The following PRAC2 variants were observed in gnomAD, a reference collection of about 807,000 sequenced individuals.
The protein encoded by PRAC2 is protein PRAC2.
For missense variants in PRAC2, 92 were observed against 114.5 expected, an observed-to-expected ratio of 0.80 and a Z score of 0.90; for synonymous variants, 43 against 49.5, an observed-to-expected ratio of 0.87 and a Z score of 0.55.
upstream of PRAC2, chr17:48,722,599 C>T (rs2038157842): frequency 7.1e-6 from 4 of 565,354 alleles, no homozygotes; most frequent in Non-Finnish European, 9.5e-6. Context: ...TTGGTGGCTC[C>T]CCACCTCATA....
chr17:48,722,487 CTGTT>C, upstream of PRAC2: 1 of 1,027,844 alleles, frequency 9.7e-7, no homozygotes, highest in South Asian at 1.3e-5. Context: ...CAGTGGCGCT[CTGTT>C]TGCACGCCTT....
At chr17:48,724,224 A>C in intron 1 of PRAC2, 104 bp from the exon 2 acceptor site, 1 of 499,344 alleles carries the variant, frequency 2.0e-6, no homozygotes, top group Admixed American at 4.4e-5. Flanking sequence ...AATAAGTGAG[A>C]GATTTCAATG....
rs1348869166 is a variant in PRAC2 at position 48,724,447 on chromosome 17, C to G, written c.37C>G (p.Arg13Gly). 35 of 1,234,192 alleles carry G rather than the reference C, an allele frequency of 2.8e-5. No individual in the cohort carries two copies. Among genetic ancestry groups the G allele is most frequent in the Non-Finnish European group, 3.3e-5 (33 of 988,152 alleles). 76.5% of individuals were successfully genotyped at this position (1,234,192 alleles called of 1,614,324 possible). A position where few individuals can be genotyped will look rare whatever the true frequency, so the allele number is the denominator to read the frequency against. The change falls in exon 2 of 2, where the codon CGC (arginine) becomes GGC (glycine). Residue 13 changes from arginine (R) to glycine (G), a missense_variant. Coordinates refer to ENST00000422730, the MANE Select transcript of PRAC2 (RefSeq NM_001282275.2). Reference protein sequence around the residue: ...RRRMALRPGSRRPTAFFFHSR... With the variant: ...RRRMALRPGSGRPTAFFFHSR... ...GCGGATGGCTCTGCGGCCTGGCTCC[C>G]GCAGACCGACCGCCTTCTTCTTCCA... is the stretch of plus-strand genomic sequence containing the variant.
upstream of PRAC2, among the ~76,000 whole-genome samples, chr17:48,719,528 G>A (rs1406923495): frequency 1.3e-5 from 2 of 152,228 alleles, no homozygotes; most frequent in African/African-American, 4.8e-5. Context: ...AGGGAGGGGC[G>A]CTTGTAAAAC....
chr17:48,720,690 A>G (rs990907875), upstream of PRAC2, among the ~76,000 whole-genome samples: 6 of 152,088 alleles, frequency 3.9e-5, no homozygotes, highest in Non-Finnish European at 8.8e-5. Flanking sequence ...TACTCAATTA[A>G]TGAGTAGTTG....
chr17:48,723,823 A>C (rs1327897908), intron 1 of PRAC2: 1 of 1,179,742 alleles, frequency 8.5e-7, no homozygotes, highest in African/African-American at 1.6e-5. Flanking sequence ...CTGGAGGCCT[A>C]ATAAAATCCA....
chr17:48,722,957 T>C (rs139116313), upstream of PRAC2, among the ~76,000 whole-genome samples: 9 of 152,288 alleles, frequency 5.9e-5, no homozygotes, highest in African/African-American at 2.2e-4. Flanking sequence ...CGGGGGCAGT[T>C]TAGGGGAGGA....
At position 48,724,661 on chromosome 17, in the gene PRAC2, C is replaced by T. The variant is rs1010439597; in HGVS notation, c.251C>T (p.Pro84Leu). 13 of 1,232,064 alleles carry T rather than the reference C, an allele frequency of 1.1e-5. No individual in the cohort carries two copies. The Admixed American group carries it at 2.5e-4, about 24-fold the overall frequency. 76.3% of individuals were successfully genotyped at this position (1,232,064 alleles called of 1,614,324 possible). A position where few individuals can be genotyped will look rare whatever the true frequency, so the allele number is the denominator to read the frequency against. ...GCTCCGCGGACGATGAAAGCCTGCC[C>T]GCAGGTTCTCCTGGAGTGGTGAGCC... is the stretch of plus-strand genomic sequence containing the variant. ...PVAPRTMKAC[P>L]QVLLEW The change falls in exon 2 of 2, where the codon CCG becomes CTG. Residue 84 changes from proline to leucine, a missense_variant. Coordinates refer to ENST00000422730, the MANE Select transcript of PRAC2 (RefSeq NM_001282275.2).
chr17:48,724,692 C>A lies in PRAC2; in HGVS notation c.*9C>A, dbSNP rs2143056572. ...TTCTCCTGGAGTGGTGAGCCTCTGTCGGAAGGGGGCGCCCACGTCTTTTTA... is the reference window on the plus strand; with the variant it reads ...TTCTCCTGGAGTGGTGAGCCTCTGTAGGAAGGGGGCGCCCACGTCTTTTTA... On this transcript the variant is annotated 3_prime_UTR_variant, in exon 2 of 2. Coordinates refer to ENST00000422730, the MANE Select transcript of PRAC2 (RefSeq NM_001282275.2). 4 of 1,225,100 alleles carry A rather than the reference C, an allele frequency of 3.3e-6. No individual in the cohort carries two copies. The highest frequency in any genetic ancestry group is 1.6e-5 in the African/African-American group (1 of 64,346). The allele number at this position is 1,225,100 out of a possible 1,614,324, so 75.9% of individuals were successfully genotyped here. A position where few individuals can be genotyped will look rare whatever the true frequency, so the allele number is the denominator to read the frequency against.
At chr17:48,721,780 G>T (rs1464162657), upstream of PRAC2, 6 of 1,513,724 alleles carry the variant, frequency 4.0e-6, no homozygotes, top group South Asian at 1.3e-5. Context: ...CATTGCCCAG[G>T]CTGGTCTGGA....
At chr17:48,723,664 G>C in intron 1 of PRAC2, 2 of 1,226,698 alleles carry the variant, frequency 1.6e-6, no homozygotes, top group Non-Finnish European at 2.0e-6. Context: ...GGCCTCGCAG[G>C]GTTCCCGGAA....
chr17:48,722,043 A>T, upstream of PRAC2: 1 of 963,412 alleles, frequency 1.0e-6, no homozygotes, highest in South Asian at 1.9e-5. Context: ...TCCCACTCCC[A>T]AGCCTCTCCC....
At chr17:48,721,736 A>G, upstream of PRAC2, 1 of 1,359,272 alleles carries the variant, frequency 7.4e-7, no homozygotes, top group Non-Finnish European at 9.6e-7. Flanking sequence ...TTTTAAAAAA[A>G]TTTTATTGTA....
chr17:48,720,114 C>G (rs954557937), upstream of PRAC2, among the ~76,000 whole-genome samples: 1 of 152,182 alleles, frequency 6.6e-6, no homozygotes, highest in African/African-American at 2.4e-5. Flanking sequence ...GTACGGACCC[C>G]GCAGACCAAG....
chr17:48,723,659 C>A (rs1425913506), intron 1 of PRAC2: 8 of 1,222,054 alleles, frequency 6.5e-6, no homozygotes, highest in Non-Finnish European at 8.2e-6. Context: ...GCGGCGGCCT[C>A]GCAGGGTTCC....
upstream of PRAC2, chr17:48,721,796 T>C (rs1436785017): frequency 1.3e-6 from 2 of 1,537,084 alleles, no homozygotes; most frequent in South Asian, 1.2e-5. Flanking sequence ...CTGGAACTCC[T>C]GTGCTCAAGG....
upstream of PRAC2, among the ~76,000 whole-genome samples, chr17:48,721,317 G>A (rs1319931120): frequency 6.6e-6 from 1 of 152,116 alleles, no homozygotes; most frequent in Non-Finnish European, 1.5e-5. Flanking sequence ...AGAGAAAAAG[G>A]TGCAATTATT....
upstream of PRAC2, chr17:48,721,675 T>C (rs899193199): frequency 4.7e-6 from 5 of 1,072,012 alleles, no homozygotes; most frequent in African/African-American, 8.2e-5. Flanking sequence ...ATGAGTTAGT[T>C]TAAAAAAGAA....
upstream of PRAC2, chr17:48,722,359 C>T (rs371130765): frequency 6.2e-7 from 1 of 1,614,202 alleles, no homozygotes; most frequent in Non-Finnish European, 8.5e-7. Flanking sequence ...GTAAGATGGG[C>T]CGGTCCTTGA....
Sources: allele counts gnomAD v4.1 joint callset (sites outside exome capture counted in the v4.1 genomes callset), GRCh38; gene constraint gnomAD v4.1.1; transcripts MANE v1.5; gene names NCBI Gene and HGNC (gene_info 2026-07-23, HGNC 2026-07-21).